MBTPS2: variants seen among roughly 807,000 people sequenced by gnomAD.
The protein encoded by MBTPS2 is membrane bound transcription factor peptidase, site 2.
In MBTPS2, 2 loss-of-function variants were observed where a neutral mutation model predicts 35.4. The observed-to-expected ratio is 0.06, with a 90% CI of 0.02 to 0.18. The LOEUF is 0.18. Among genes scored for constraint, MBTPS2 ranks in the 10% least tolerant of loss-of-function variants. The pLI is 1.00. For synonymous variants in MBTPS2, 125 were observed against 140.4 expected, an observed-to-expected ratio of 0.89 and a Z score of 0.77; for missense variants, 244 against 386.5, an observed-to-expected ratio of 0.63 and a Z score of 3.09.
intron 3 of MBTPS2, among the ~76,000 whole-genome samples, chrX:21,848,634 C>T (rs1219235885): frequency 9.0e-6 from 1 of 110,906 alleles, no homozygotes; most frequent in East Asian, 2.8e-4. Flanking sequence ...GAGCCGAGAT[C>T]GCGCGACTGC....
chrX:21,867,614 TAATAA>T (rs2092941767), intron 5 of MBTPS2, among the ~76,000 whole-genome samples: 1 of 100,516 alleles, frequency 9.9e-6, no homozygotes, highest in Non-Finnish European at 2.0e-5. Flanking sequence ...TAAAAAAAAA[TAATAA>T]AGACGGTTTT....
intron 7 of MBTPS2, chrX:21,869,881 C>G: frequency 2.5e-6 from 1 of 400,599 alleles, no homozygotes; most frequent in Non-Finnish European, 4.3e-6. Context: ...TGTTGAACTT[C>G]TAACTATTTT....
intron 7 of MBTPS2, among the ~76,000 whole-genome samples, chrX:21,876,031 TGAG>T (rs937386001): frequency 7.2e-5 from 8 of 111,307 alleles, no homozygotes; most frequent in Non-Finnish European, 1.3e-4. Context: ...AGGAGAAAAA[TGAG>T]GAGGAGGTAA....
chrX:21,847,554 G>C (rs760858859), intron 3 of MBTPS2, among the ~76,000 whole-genome samples: 10 of 111,920 alleles, frequency 8.9e-5, no homozygotes, highest in Non-Finnish European at 1.5e-4. Context: ...GTGTACTGTT[G>C]CCAGCAAATA....
rs1305009028 is a variant in MBTPS2, at chrX:21,853,561, G to A, written c.670+58G>A. ...TGTGGTTTTGGTTTTGATTTTCTAT[G>A]GTTAGTGCTTTTTGGAAAATATATC... On this transcript the variant is annotated intron_variant, in intron 5 of 10. Coordinates refer to ENST00000379484, the MANE Select transcript of MBTPS2 (RefSeq NM_015884.4). 4 of 1,107,511 alleles carry A rather than the reference G, an allele frequency of 3.6e-6. No individual in the cohort carries two copies. In the Admixed American group the frequency reaches 6.6e-5, roughly 18 times the overall value. 91.3% of individuals were successfully genotyped at this position (1,107,511 alleles called of 1,213,427 possible). A position where few individuals can be genotyped will look rare whatever the true frequency, so the allele number is the denominator to read the frequency against.
intron 1 of MBTPS2, among the ~76,000 whole-genome samples, chrX:21,841,558 G>A (rs772889855): frequency 8.9e-6 from 1 of 112,593 alleles, no homozygotes; most frequent in East Asian, 2.8e-4. Flanking sequence ...CCAGCTACTT[G>A]GGAGGAAGAG....
chrX:21,882,907 A>G lies in MBTPS2; in HGVS notation c.*252A>G, dbSNP rs2092960913. 9.8e-7 allele frequency: 1 copy of G among 1,025,280 alleles called. No homozygotes were observed. The highest frequency in any genetic ancestry group is 1.9e-5 in the African/African-American group (1 of 52,103). 84.5% of individuals were successfully genotyped at this position (1,025,280 alleles called of 1,213,427 possible). ...CTGAATGTACCCAGATGCTTGTGGAATAATATCTAAGCAAGTGCAAATTCA... is the reference window on the plus strand; with the variant it reads ...CTGAATGTACCCAGATGCTTGTGGAGTAATATCTAAGCAAGTGCAAATTCA... On this transcript the variant is annotated 3_prime_UTR_variant, in exon 11 of 11. Coordinates refer to ENST00000379484, the MANE Select transcript of MBTPS2 (RefSeq NM_015884.4).
intron 5 of MBTPS2, chrX:21,858,483 AAAG>A (rs770061314): frequency 8.1e-6 from 1 of 123,381 alleles, no homozygotes; most frequent in East Asian, 2.8e-4. Context: ...AGTTAGAACT[AAAG>A]AAAAGGGGGA....
In MBTPS2 at chrX:21,878,478, A is replaced by G. The variant is rs780575338; in HGVS notation, c.1066-19A>G. 5.3e-6 allele frequency: 6 copies of G among 1,135,798 alleles called. No homozygotes were observed. Among genetic ancestry groups the G allele is most frequent in the Non-Finnish European group, 7.2e-6 (6 of 828,369 alleles). The allele number at this position is 1,135,798 out of a possible 1,213,427, so 93.6% of individuals were successfully genotyped here. On this transcript the variant is annotated intron_variant, in intron 8 of 10. Coordinates refer to ENST00000379484, the MANE Select transcript of MBTPS2 (RefSeq NM_015884.4). ...TCTTAATCATTTTTAATATTGACTGATTAATATTTTATTTATAGCATACAT... is the reference window on the plus strand; with the variant it reads ...TCTTAATCATTTTTAATATTGACTGGTTAATATTTTATTTATAGCATACAT...
In MBTPS2 at chrX:21,884,629, CATT is replaced by C. The variant is rs2147456992; in HGVS notation, c.*1977_*1979del. 2 of 753,782 alleles carry C rather than the reference CATT, an allele frequency of 2.7e-6. No homozygotes were observed. The highest frequency in any genetic ancestry group is 3.1e-6 in the Non-Finnish European group (2 of 638,991). 62.1% of individuals were successfully genotyped at this position (753,782 alleles called of 1,213,427 possible). A position where few individuals can be genotyped will look rare whatever the true frequency, so the allele number is the denominator to read the frequency against. On this transcript the variant is annotated 3_prime_UTR_variant, in exon 11 of 11. Transcript: ENST00000379484. ...AGTACCATTTGTATAAAACCGGCCTCATTATGTAAGAAAGAAAATGTTACGTGT... is the reference window on the plus strand; with the variant it reads ...AGTACCATTTGTATAAAACCGGCCTCATGTAAGAAAGAAAATGTTACGTGT...
chrX:21,849,029 ATACTT>A (rs2092911728), intron 3 of MBTPS2, among the ~76,000 whole-genome samples: 1 of 111,858 alleles, frequency 8.9e-6, no homozygotes, highest in African/African-American at 3.3e-5. Context: ...TATTTTTTAA[ATACTT>A]TATTAGAGCA....
At chrX:21,853,588 C>G in intron 5 of MBTPS2, 85 bp downstream of exon 5, 1 of 905,587 alleles carries the variant, frequency 1.1e-6, no homozygotes. Context: ...AAATATATCA[C>G]AAATGACAAT....
intron 5 of MBTPS2, chrX:21,856,636 A>G (rs2092923065): frequency 1.7e-6 from 2 of 1,210,127 alleles, no homozygotes; most frequent in Non-Finnish European, 2.2e-6. Flanking sequence ...AATTGGATCT[A>G]CGGTGGCCAC....
At chrX:21,855,800 G>T (rs2092920170) in intron 5 of MBTPS2, among the ~76,000 whole-genome samples, 1 of 105,565 alleles carries the variant, frequency 9.5e-6, no homozygotes, top group Admixed American at 1.0e-4. Context: ...AGTGAGCCGA[G>T]ATCGCGCGCC....
chrX:21,860,766 T>C (rs780173991), intron 5 of MBTPS2, among the ~76,000 whole-genome samples: 1 of 112,379 alleles, frequency 8.9e-6, no homozygotes, highest in Non-Finnish European at 1.9e-5. Context: ...GGGGAATTCA[T>C]AGTAGTATCC....
chrX:21,869,810 C>A (rs2092944983), intron 7 of MBTPS2, 132 bp downstream of exon 7: 1 of 518,285 alleles, frequency 1.9e-6, no homozygotes, highest in Admixed American at 3.0e-5. Flanking sequence ...AAATAGATTC[C>A]AACCAATAGA....
At chrX:21,881,877 A>G (rs1054005292) in intron 10 of MBTPS2, among the ~76,000 whole-genome samples, 1 of 111,576 alleles carries the variant, frequency 9.0e-6, no homozygotes. Flanking sequence ...CAGAGGTTGC[A>G]GTGAGCCAAG....
rs925235943 is a variant in MBTPS2 at position 21,854,238 on chromosome X, C to G, written c.670+735C>G. On this transcript the variant is annotated intron_variant, in intron 5 of 10. Transcript: ENST00000379484. ...ATTATAAATGTAAATACTACAAGAT[C>G]TAAAAACACACATAAACTTTTCAAG... 4.5e-5 allele frequency among the ~76,000 whole-genome samples: 5 copies of G among 111,908 alleles called. No homozygotes were observed. The East Asian group carries it at 1.4e-3, about 31-fold the overall frequency.
chrX:21,845,893 G>A (rs6633460), intron 3 of MBTPS2, among the ~76,000 whole-genome samples: 21,491 of 111,278 alleles, frequency 0.19, 1,774 homozygotes, highest in East Asian at 0.33. Context: ...AAACTCATGT[G>A]TAGACCTATA....
Sources: gnomAD v4.1 joint callset for allele counts (sites outside exome capture counted in the v4.1 genomes callset) on GRCh38, gnomAD v4.1.1 for gene constraint, MANE v1.5 for transcripts, NCBI Gene and HGNC (gene_info 2026-07-23, HGNC 2026-07-21) for gene names.